SYT6: variants seen among roughly 807,000 people sequenced by gnomAD.
The protein encoded by SYT6 is synaptotagmin 6.
A neutral mutation model predicts 38.4 loss-of-function variants in SYT6; 24 were observed. The ratio of observed to expected loss-of-function variants is 0.62; its 90% CI spans 0.45 to 0.88. The LOEUF (loss-of-function observed/expected upper bound fraction) is 0.88, where lower values mean the gene tolerates loss of function less well. Among genes scored for constraint, SYT6 ranks in the 40% least tolerant of loss-of-function variants. The probability of loss-of-function intolerance (pLI) is 0.00; values close to 1 mark genes in which losing one functional copy is unlikely to be tolerated. For missense variants in SYT6, 611 were observed against 621.0 expected (o/e 0.98, Z 0.17); for synonymous variants, 265 against 241.9 (o/e 1.10, Z -0.89).
Position 114,145,835 on chromosome 1 carries a change from A to C in SYT6, c.164-5872T>G, listed in dbSNP as rs953320521. Among the ~76,000 whole-genome samples, 126 of 152,218 alleles carry C rather than the reference A, an allele frequency of 8.3e-4. 2 individuals are homozygous for C. Among genetic ancestry groups the C allele is most frequent in the Admixed American group, 8.2e-3 (126 of 15,286 alleles). Reference sequence around the variant, plus strand: ...GGGGAATCTAGAGAGCATAGAGTGCATTTAAATGTTCAGCCTGACAAATAA... The same window carrying C: ...GGGGAATCTAGAGAGCATAGAGTGCCTTTAAATGTTCAGCCTGACAAATAA... On this transcript the variant is annotated intron_variant, in intron 1 of 7. Coordinates refer to ENST00000610222, the MANE Select transcript of SYT6 (RefSeq NM_001253772.2).
chr1:114,126,706 G>T (rs1470026461), intron 3 of SYT6, among the ~76,000 whole-genome samples: 2 of 152,236 alleles, frequency 1.3e-5, no homozygotes, highest in African/African-American at 4.8e-5. Flanking sequence ...GTAAGGGAAA[G>T]ATTAGATATT....
chr1:114,111,199 C>G (rs1025245665), intron 3 of SYT6, among the ~76,000 whole-genome samples: 1 of 152,212 alleles, frequency 6.6e-6, no homozygotes, highest in Admixed American at 6.5e-5. Flanking sequence ...AGGTGCCGTA[C>G]ACTCCAGCCA....
chr1:114,102,121 C>T (rs111234406), intron 4 of SYT6, among the ~76,000 whole-genome samples: 2,877 of 152,242 alleles, frequency 0.019, 85 homozygotes, highest in African/African-American at 0.066. Context: ...TTAATTACAC[C>T]AGAGAAGATA....
In SYT6 at chr1:114,094,465, A is replaced by G. The variant is rs536519289; in HGVS notation, c.1516-662T>C. Among the ~76,000 whole-genome samples, 4 of 152,340 alleles carry G rather than the reference A, an allele frequency of 2.6e-5. No individual in the cohort carries two copies. The East Asian group carries it at 7.7e-4, about 29-fold the overall frequency. On this transcript the variant is annotated intron_variant, in intron 6 of 7. Coordinates refer to ENST00000610222, the MANE Select transcript of SYT6 (RefSeq NM_001253772.2). ...CTGGTCAACTCTGTGTGTGGTAACA[A>G]TGATGACACATGGCTCTGGGCTGAG...
chr1:114,106,055 C>G (rs142209801), intron 3 of SYT6, among the ~76,000 whole-genome samples: 328 of 152,282 alleles, frequency 2.2e-3, no homozygotes, highest in South Asian at 4.8e-3. Flanking sequence ...GTCCCCTAGT[C>G]AAGAGAGAGA....
chr1:114,150,624 C>A (rs1377936562), intron 1 of SYT6, among the ~76,000 whole-genome samples: 1 of 152,150 alleles, frequency 6.6e-6, no homozygotes, highest in Non-Finnish European at 1.5e-5. Context: ...AAGTCCAGAA[C>A]CCATGCTGAC....
At chr1:114,132,283 G>T (rs1678204938) in intron 3 of SYT6, among the ~76,000 whole-genome samples, 1 of 152,210 alleles carries the variant, frequency 6.6e-6, no homozygotes, top group Admixed American at 6.5e-5. Context: ...AGAGGAGGAA[G>T]GGTTGTTGAT....
chr1:114,139,214 C>T (rs1678695489), intron 2 of SYT6, among the ~76,000 whole-genome samples: 1 of 152,336 alleles, frequency 6.6e-6, no homozygotes, highest in Non-Finnish European at 1.5e-5. Flanking sequence ...CCATGTACTG[C>T]AGACTGTAGC....
intron 5 of SYT6, 61 bp from the exon 6 acceptor site, chr1:114,097,938 C>G: frequency 6.3e-7 from 1 of 1,592,412 alleles, no homozygotes; most frequent in Non-Finnish European, 8.6e-7. Context: ...AAAGGAGGTC[C>G]AGTGTGGGGG....
In SYT6 at chr1:114,104,670, A is replaced by ATCCT. The variant is rs1676175373; in HGVS notation, c.1072-950_1072-949insAGGA. ...AGGGTGATTTCAGATGAGGCCCTCC[A>ATCCT]TCCATCCATCCATTCAGTAATTCAG... On this transcript the variant is annotated intron_variant, in intron 3 of 7. Transcript: ENST00000610222. 2.6e-5 allele frequency among the ~76,000 whole-genome samples: 4 copies of ATCCT among 151,958 alleles called. No homozygotes were observed. In the South Asian group the frequency reaches 8.4e-4, roughly 32 times the overall value.
intron 1 of SYT6, among the ~76,000 whole-genome samples, chr1:114,142,349 T>C (rs1678911621): frequency 1.3e-5 from 2 of 152,162 alleles, no homozygotes; most frequent in Admixed American, 6.6e-5. Flanking sequence ...ACTGCAGATG[T>C]GGTGGAAATA....
chr1:114,129,561 T>G (rs1371861305), intron 3 of SYT6, among the ~76,000 whole-genome samples: 1 of 139,230 alleles, frequency 7.2e-6, no homozygotes, highest in Non-Finnish European at 1.6e-5. Context: ...CTTTTTTTCT[T>G]TCTTTTCTTT....
intron 3 of SYT6, among the ~76,000 whole-genome samples, chr1:114,118,019 T>C (rs1677101864): frequency 6.6e-6 from 1 of 152,198 alleles, no homozygotes; most frequent in Admixed American, 6.5e-5. Context: ...TGGCCGCTAG[T>C]GGGTTGGCTT....
chr1:114,140,405 T>C (rs6678294), intron 1 of SYT6, among the ~76,000 whole-genome samples: 35 of 152,306 alleles, frequency 2.3e-4, no homozygotes, highest in African/African-American at 7.9e-4. Flanking sequence ...CTTAGAGTCA[T>C]TTTTGTCTAC....
At chr1:114,116,059 A>AT (rs11369043) in intron 3 of SYT6, among the ~76,000 whole-genome samples, 87,017 of 151,830 alleles carry the variant, frequency 0.57, 25,358 homozygotes, top group African/African-American at 0.63. Flanking sequence ...GACTTAGAAT[A>AT]TTACCTCCCT....
chr1:114,151,820 A>T (rs1411461189), intron 1 of SYT6, among the ~76,000 whole-genome samples: 2 of 152,100 alleles, frequency 1.3e-5, no homozygotes, highest in African/African-American at 2.4e-5. Flanking sequence ...GCACCAGAGA[A>T]CCAGAGTCTT....
chr1:114,116,463 G>T (rs1414531832), intron 3 of SYT6, among the ~76,000 whole-genome samples: 1 of 152,142 alleles, frequency 6.6e-6, no homozygotes, highest in African/African-American at 2.4e-5. Flanking sequence ...TTGAGCCAGT[G>T]AAGTGTTTCC....
chr1:114,139,653 C>T lies in SYT6; in HGVS notation c.474G>A (p.Arg158=). The T allele has an allele frequency of 1.2e-6, 2 of 1,614,152 alleles. No individual in the cohort carries two copies. Among genetic ancestry groups the T allele is most frequent in the Non-Finnish European group, 1.7e-6 (2 of 1,180,038 alleles). ...CTGGCTCTGTAGTTTGCCGCTGCAG[C>T]CGGGTGTGACGCATGATGTGCTCCT... ...SVKEHIMRHT[R]LQRQTTEPAS... Residue 158 remains arginine, a synonymous_variant, in exon 2 of 8, where the codon CGG becomes CGA. Transcript: ENST00000610222.
At chr1:114,102,301 G>A (rs1408433233) in intron 4 of SYT6, among the ~76,000 whole-genome samples, 1 of 152,174 alleles carries the variant, frequency 6.6e-6, no homozygotes, top group Non-Finnish European at 1.5e-5. Context: ...GGCCAGAAGA[G>A]GTCCGTTAAT....
Sources: gnomAD v4.1 joint callset for allele counts (sites outside exome capture counted in the v4.1 genomes callset) on GRCh38, gnomAD v4.1.1 for gene constraint, MANE v1.5 for transcripts, NCBI Gene and HGNC (gene_info 2026-07-23, HGNC 2026-07-21) for gene names.